Variants in TMEM164 observed in about 807,000 individuals in gnomAD.
TMEM164 encodes transmembrane protein 164.
TMEM164 carries 4 observed loss-of-function variants against 18.8 expected under a neutral mutation model. The ratio of observed to expected loss-of-function variants is 0.21; its 90% CI spans 0.10 to 0.49. The LOEUF is 0.49. Among genes scored for constraint, TMEM164 ranks in the 20% least tolerant of loss-of-function variants. The probability of loss-of-function intolerance (pLI) is 0.98; values close to 1 mark genes in which losing one functional copy is unlikely to be tolerated. For missense variants in TMEM164, 108 were observed against 239.9 expected, an observed-to-expected ratio of 0.45 and a Z score of 3.63; for synonymous variants, 86 against 101.7, an observed-to-expected ratio of 0.85 and a Z score of 0.93.
intron 4 of TMEM164, among the ~76,000 whole-genome samples, chrX:110,128,778 A>G (rs1224093971): frequency 1.8e-5 from 2 of 110,989 alleles, no homozygotes; most frequent in Non-Finnish European, 3.8e-5. Context: ...CCAGTTTATT[A>G]TTTATCTCTT....
chrX:110,112,966 C>T (rs1406596363), intron 4 of TMEM164, among the ~76,000 whole-genome samples: 1 of 111,182 alleles, frequency 9.0e-6, no homozygotes. Context: ...CAATTCAGCT[C>T]ATAGCACCCA....
At chrX:110,057,101 C>T (rs189933077) in intron 2 of TMEM164, among the ~76,000 whole-genome samples, 143 of 110,808 alleles carry the variant, frequency 1.3e-3, no homozygotes, top group South Asian at 3.8e-3. Context: ...CACCTATAGT[C>T]GCCATGCTGT....
chrX:110,045,361 G>T, intron 2 of TMEM164, among the ~76,000 whole-genome samples: 1 of 112,047 alleles, frequency 8.9e-6, no homozygotes, highest in Non-Finnish European at 1.9e-5. Context: ...GTTGGGGTCA[G>T]GTACTATCCT....
At chrX:110,168,450 T>A (rs1025895062) in intron 5 of TMEM164, among the ~76,000 whole-genome samples, 2 of 112,625 alleles carry the variant, frequency 1.8e-5, no homozygotes, top group African/African-American at 6.5e-5. Flanking sequence ...AACAGGAGCG[T>A]TGAGCTCCCT....
chrX:110,063,515 A>G, intron 2 of TMEM164, among the ~76,000 whole-genome samples: 1 of 111,084 alleles, frequency 9.0e-6, no homozygotes, highest in Non-Finnish European at 1.9e-5. Context: ...GGAACCAGAG[A>G]GGTTCGCAGG....
chrX:110,072,432 C>G (rs2065608522), intron 3 of TMEM164, among the ~76,000 whole-genome samples: 1 of 110,225 alleles, frequency 9.1e-6, no homozygotes, highest in Non-Finnish European at 1.9e-5. Flanking sequence ...GTAATCTATT[C>G]AAATCTTTTT....
At chrX:110,039,259 A>G (rs1221306576) in intron 2 of TMEM164, among the ~76,000 whole-genome samples, 1 of 112,495 alleles carries the variant, frequency 8.9e-6, no homozygotes, top group Non-Finnish European at 1.9e-5. Flanking sequence ...CATTGTCCCA[A>G]TATCCTTTTA....
At chrX:110,159,486 T>C (rs1297286776) in intron 5 of TMEM164, among the ~76,000 whole-genome samples, 2 of 110,548 alleles carry the variant, frequency 1.8e-5, no homozygotes, top group Non-Finnish European at 3.8e-5. Flanking sequence ...TTGTGGTTAG[T>C]GCGGTGGAGT....
At position 110,116,855 on chromosome X, in the gene TMEM164, C is replaced by T. The variant is rs755227100; in HGVS notation, c.507+7709C>T. Among the ~76,000 whole-genome samples, 190 of 95,277 alleles carry T rather than the reference C, an allele frequency of 2.0e-3. 1 individual carries two copies. Among genetic ancestry groups the T allele is most frequent in the Admixed American group, 0.017 (152 of 8,770 alleles). The allele number at this position is 95,277 out of a possible 115,157, so 82.7% of individuals were successfully genotyped here. A position where few individuals can be genotyped will look rare whatever the true frequency, so the allele number is the denominator to read the frequency against. ...GTGTGTGTGTGTGTGTGTGTGTGCG[C>T]GTGTGCGTGTGTGTGTGTGTGGTGT... is the stretch of plus-strand genomic sequence containing the variant. On this transcript the variant is annotated intron_variant, in intron 4 of 6. Transcript: ENST00000372068.
At chrX:110,063,429 T>G (rs779361021) in intron 2 of TMEM164, among the ~76,000 whole-genome samples, 1 of 111,626 alleles carries the variant, frequency 9.0e-6, no homozygotes, top group Admixed American at 9.5e-5. Flanking sequence ...AACTTGGGGC[T>G]GATATGACTG....
chrX:110,097,010 G>T (rs767947009), intron 3 of TMEM164, among the ~76,000 whole-genome samples: 10 of 111,949 alleles, frequency 8.9e-5, no homozygotes, highest in African/African-American at 3.2e-4. Flanking sequence ...GGTAGAAATA[G>T]ATTTTATTTT....
intron 2 of TMEM164, among the ~76,000 whole-genome samples, chrX:110,031,158 C>T (rs1316519136): frequency 9.9e-5 from 11 of 111,513 alleles, no homozygotes; most frequent in Non-Finnish European, 2.1e-4. Flanking sequence ...ATGAGGTGTT[C>T]GGTTTTCTGT....
intron 2 of TMEM164, among the ~76,000 whole-genome samples, chrX:110,066,525 A>G (rs1440480674): frequency 2.7e-5 from 3 of 112,501 alleles, no homozygotes; most frequent in Admixed American, 9.4e-5. Context: ...CTGGAGTCCC[A>G]TACTTGGGGA....
intron 2 of TMEM164, among the ~76,000 whole-genome samples, chrX:110,015,839 A>G (rs1465831104): frequency 8.9e-6 from 1 of 112,223 alleles, no homozygotes; most frequent in Non-Finnish European, 1.9e-5. Context: ...TCTGCTTTCA[A>G]GTTCACCTTT....
At chrX:110,119,890 G>A (rs1312489148) in intron 4 of TMEM164, among the ~76,000 whole-genome samples, 1 of 111,878 alleles carries the variant, frequency 8.9e-6, no homozygotes, top group Non-Finnish European at 1.9e-5. Context: ...CTTTTCAGTG[G>A]CGGTAATGTG....
intron 3 of TMEM164, among the ~76,000 whole-genome samples, chrX:110,101,048 C>T (rs1333387337): frequency 1.8e-5 from 2 of 109,998 alleles, no homozygotes; most frequent in Non-Finnish European, 3.8e-5. Context: ...TCTTTTTCCT[C>T]TATTTTCTTC....
At chrX:110,148,335 AC>A (rs1443819371) in intron 5 of TMEM164, among the ~76,000 whole-genome samples, 1 of 110,180 alleles carries the variant, frequency 9.1e-6, no homozygotes, top group Non-Finnish European at 1.9e-5. Context: ...CTCTACCTCT[AC>A]AAGCTTCTTT....
At chrX:110,044,343 A>G (rs1230528282) in intron 2 of TMEM164, among the ~76,000 whole-genome samples, 1 of 112,460 alleles carries the variant, frequency 8.9e-6, no homozygotes, top group Non-Finnish European at 1.9e-5. Context: ...TCCAGGAAAT[A>G]CAACCTTTTA....
intron 5 of TMEM164, among the ~76,000 whole-genome samples, chrX:110,160,431 A>G (rs1320137976): frequency 8.9e-6 from 1 of 112,589 alleles, no homozygotes; most frequent in Non-Finnish European, 1.9e-5. Context: ...GCCTGCTGCT[A>G]GATCTTGTGA....
Sources: allele counts gnomAD v4.1 joint callset (sites outside exome capture counted in the v4.1 genomes callset), GRCh38; gene constraint gnomAD v4.1.1; transcripts MANE v1.5; gene names NCBI Gene and HGNC (gene_info 2026-07-23, HGNC 2026-07-21).